DCLK2: variants seen among roughly 807,000 people sequenced by gnomAD.
The protein encoded by DCLK2 is serine/threonine-protein kinase DCLK2.
DCLK2 carries 31 observed loss-of-function variants against 78.4 expected under a neutral mutation model. The ratio of observed to expected loss-of-function variants is 0.40; its 90% CI spans 0.30 to 0.53. DCLK2 has a LOEUF of 0.53. DCLK2 is among the 20% of genes least tolerant of loss of function. DCLK2 has a pLI of 0.61. For synonymous variants in DCLK2, 407 were observed against 374.9 expected, an observed-to-expected ratio of 1.09 and a Z score of -0.99; for missense variants, 872 against 973.7, an observed-to-expected ratio of 0.90 and a Z score of 1.39.
intron 2 of DCLK2, among the ~76,000 whole-genome samples, chr4:150,147,091 C>G (rs534348085): frequency 6.6e-6 from 1 of 151,448 alleles, no homozygotes. Context: ...CCAGACCAGT[C>G]TGGGCAACAT....
intron 2 of DCLK2, among the ~76,000 whole-genome samples, chr4:150,186,886 A>G (rs980682543): frequency 7.3e-6 from 1 of 137,900 alleles, no homozygotes; most frequent in African/African-American, 2.8e-5. Context: ...GAGTGACTCT[A>G]TCTCAAAATG....
chr4:150,119,790 C>T (rs1732389129), intron 2 of DCLK2, among the ~76,000 whole-genome samples: 1 of 151,568 alleles, frequency 6.6e-6, no homozygotes, highest in Non-Finnish European at 1.5e-5. Flanking sequence ...TAGTGAGTAG[C>T]CCACATTATG....
Position 150,248,587 on chromosome 4 carries a change from C to T in DCLK2, c.1956+202C>T, listed in dbSNP as rs1241308540. Among the ~76,000 whole-genome samples the T allele has an allele frequency of 5.9e-5, 9 of 152,168 alleles. No individual in the cohort carries two copies. The South Asian group carries it at 1.5e-3, about 25-fold the overall frequency. On this transcript the variant is annotated intron_variant, in intron 14 of 15. Coordinates refer to ENST00000296550, the MANE Select transcript of DCLK2 (RefSeq NM_001040260.4). ...AGGGTCCCAGTCTTAGACCCTGCCC[C>T]GCGAGTCACCTGGGCAAGTCACTGT...
At chr4:150,237,743 A>G (rs1215001477) in intron 10 of DCLK2, among the ~76,000 whole-genome samples, 1 of 152,166 alleles carries the variant, frequency 6.6e-6, no homozygotes, top group Admixed American at 6.5e-5. Context: ...AAAAAACATC[A>G]TTTTCTAAAT....
intron 4 of DCLK2, among the ~76,000 whole-genome samples, chr4:150,199,360 A>C (rs1739298111): frequency 6.6e-6 from 1 of 152,208 alleles, no homozygotes; most frequent in Non-Finnish European, 1.5e-5. Flanking sequence ...CTTCTAGTTA[A>C]TTTGGAGCAA....
At chr4:150,192,575 A>G (rs754598796) in intron 2 of DCLK2, among the ~76,000 whole-genome samples, 1 of 151,964 alleles carries the variant, frequency 6.6e-6, no homozygotes, top group East Asian at 1.9e-4. Context: ...CTTCATGGCA[A>G]ATCTTCCCTT....
At chr4:150,239,537 G>T (rs576057508) in intron 10 of DCLK2, among the ~76,000 whole-genome samples, 1 of 152,006 alleles carries the variant, frequency 6.6e-6, no homozygotes, top group South Asian at 2.1e-4. Flanking sequence ...AGAGGTTGAG[G>T]CTGCAGTGAG....
At chr4:150,223,475 G>A (rs1368363932) in intron 7 of DCLK2, among the ~76,000 whole-genome samples, 4 of 152,208 alleles carry the variant, frequency 2.6e-5, no homozygotes, top group Non-Finnish European at 5.9e-5. Flanking sequence ...TGGACACAGT[G>A]GCTCACGCCT....
chr4:150,188,245 A>G (rs1053790266), intron 2 of DCLK2, among the ~76,000 whole-genome samples: 8 of 152,126 alleles, frequency 5.3e-5, no homozygotes, highest in Non-Finnish European at 1.2e-4. Flanking sequence ...AGGCTGAGGC[A>G]GGTAGATTGC....
chr4:150,235,960 G>C (rs1289229094), intron 10 of DCLK2, among the ~76,000 whole-genome samples: 1 of 152,182 alleles, frequency 6.6e-6, no homozygotes, highest in Non-Finnish European at 1.5e-5. Context: ...TGGTGGTACC[G>C]TGTCAGAGTT....
intron 2 of DCLK2, among the ~76,000 whole-genome samples, chr4:150,128,267 A>G (rs997810265): frequency 6.6e-6 from 1 of 152,146 alleles, no homozygotes; most frequent in African/African-American, 2.4e-5. Context: ...GGAAACCATG[A>G]CTTAATTTGA....
chr4:150,099,240 G>A (rs1162279885), intron 1 of DCLK2, among the ~76,000 whole-genome samples: 3 of 151,948 alleles, frequency 2.0e-5, no homozygotes, highest in African/African-American at 7.3e-5. Flanking sequence ...TTTCTTTTTA[G>A]TAGAGACATG....
At chr4:150,165,644 C>T (rs1442733146) in intron 2 of DCLK2, among the ~76,000 whole-genome samples, 1 of 152,172 alleles carries the variant, frequency 6.6e-6, no homozygotes, top group Non-Finnish European at 1.5e-5. Flanking sequence ...AAACCTTAAA[C>T]CTTAGATTGT....
At chr4:150,118,211 A>G (rs549270243) in intron 2 of DCLK2, among the ~76,000 whole-genome samples, 49 of 152,208 alleles carry the variant, frequency 3.2e-4, no homozygotes, top group African/African-American at 8.7e-4. Context: ...AGATGCTTCA[A>G]TGGTAATGAC....
chr4:150,088,546 C>T (rs148762632), intron 1 of DCLK2, among the ~76,000 whole-genome samples: 228 of 152,100 alleles, frequency 1.5e-3, no homozygotes, highest in Non-Finnish European at 2.4e-3. Context: ...TCTAGCAGTC[C>T]TCTCGCCTCA....
At chr4:150,203,653 T>G (rs1739620468) in intron 4 of DCLK2, 142 bp from the exon 5 acceptor site, 4 of 537,408 alleles carry the variant, frequency 7.4e-6, no homozygotes, top group Non-Finnish European at 9.6e-6. Context: ...TTTTGCTTTT[T>G]GCTGATTTGC....
chr4:150,221,927 G>A, intron 7 of DCLK2, 142 bp downstream of exon 7: 1 of 497,248 alleles, frequency 2.0e-6, no homozygotes, highest in African/African-American at 2.0e-5. Context: ...TTTTCCCTGA[G>A]TCTGCCCTTG....
chr4:150,136,643 G>A (rs1269490827), intron 2 of DCLK2, among the ~76,000 whole-genome samples: 2 of 152,208 alleles, frequency 1.3e-5, no homozygotes, highest in Non-Finnish European at 2.9e-5. Flanking sequence ...ACAGCTTCCA[G>A]GGAACCTGAA....
chr4:150,193,232 A>G lies in DCLK2; in HGVS notation c.851A>G (p.Asp284Gly). 6.2e-7 allele frequency: 1 copy of G among 1,600,084 alleles called. No individual in the cohort carries two copies. The highest frequency in any genetic ancestry group is 8.6e-7 in the Non-Finnish European group (1 of 1,169,060). ...FRYAQDDFVLDHSECRVLKSS... is the reference protein window; with the variant it reads ...FRYAQDDFVLGHSECRVLKSS... ...TATGCCCAAGATGACTTTGTCCTGG[A>G]TCATAGTGGTAAGGCAATTCTTCAG... is the stretch of plus-strand genomic sequence containing the variant. Residue 284 changes from aspartate (D) to glycine (G), a missense_variant, in exon 3 of 16, where the codon GAT becomes GGT. Transcript: ENST00000296550.
Sources: allele counts gnomAD v4.1 joint callset (sites outside exome capture counted in the v4.1 genomes callset), GRCh38; gene constraint gnomAD v4.1.1; transcripts MANE v1.5; gene names NCBI Gene and HGNC (gene_info 2026-07-23, HGNC 2026-07-21).